C19orf81: variants seen among roughly 807,000 people sequenced by gnomAD.
C19orf81 encodes the protein chromosome 19 open reading frame 81.
Under a neutral mutation model 22.1 loss-of-function variants are expected in C19orf81, and 19 were observed. The ratio of observed to expected loss-of-function variants is 0.86; its 90% CI spans 0.60 to 1.26. The LOEUF is 1.26. Among genes scored for constraint, C19orf81 ranks in the 50% most tolerant of loss-of-function variants. C19orf81 has a pLI of 0.00. For missense variants in C19orf81, 287 were observed against 280.7 expected, an observed-to-expected ratio of 1.02 and a Z score of -0.16; for synonymous variants, 108 against 113.1, an observed-to-expected ratio of 0.95 and a Z score of 0.29.
intron 1 of C19orf81, chr19:50,649,805 C>A: frequency 1.9e-6 from 1 of 537,738 alleles, no homozygotes; most frequent in Non-Finnish European, 3.6e-6. Context: ...TAGGTAACCT[C>A]ACTGTCTTGT....
At position 50,659,130 on chromosome 19, in the gene C19orf81, C is replaced by A; in HGVS notation, c.585C>A (p.Asn195Lys). 2 of 1,396,958 alleles carry A rather than the reference C, an allele frequency of 1.4e-6. No individual in the cohort carries two copies. Among genetic ancestry groups the A allele is most frequent in the South Asian group, 1.5e-5 (1 of 65,896 alleles). 86.5% of individuals were successfully genotyped at this position (1,396,958 alleles called of 1,614,324 possible). A position where few individuals can be genotyped will look rare whatever the true frequency, so the allele number is the denominator to read the frequency against. ...RMLEALGAEPNEEA is the reference protein window; with the variant it reads ...RMLEALGAEPKEEA ...TCGAGGCCCTGGGGGCGGAGCCGAA[C>A]GAGGAGGCCTGACGCCCGGGCGGGC... Residue 195 changes from asparagine to lysine, a missense_variant, in exon 5 of 5, where the codon AAC (asparagine) becomes AAA (lysine). Asn to Lys is a moderately conservative substitution (Grantham distance 94, BLOSUM62 0). Coordinates refer to ENST00000425202, the MANE Select transcript of C19orf81 (RefSeq NM_001195076.2).
chr19:50,651,835 T>G (rs986010756), intron 1 of C19orf81, among the ~76,000 whole-genome samples: 4 of 152,238 alleles, frequency 2.6e-5, no homozygotes, highest in African/African-American at 9.6e-5. Context: ...TTTACATATA[T>G]TAAAATCACT....
intron 1 of C19orf81, among the ~76,000 whole-genome samples, chr19:50,651,443 C>T (rs1489656874): frequency 6.6e-6 from 1 of 152,170 alleles, no homozygotes; most frequent in Non-Finnish European, 1.5e-5. Context: ...TTTCCCTCCA[C>T]CTTGTAACAC....
Position 50,656,212 on chromosome 19 carries a change from C to T in C19orf81, c.141-14C>T, listed in dbSNP as rs57195892. 2,078 of 1,536,038 alleles carry T rather than the reference C, an allele frequency of 1.4e-3. 32 individuals are homozygous for T. In the African/African-American group the frequency reaches 0.025, roughly 19 times the overall value. ...CTGACCTCAGAGGTCCCTGCCTGTT[C>T]GCTCTCTCCCTAGAAAGCAGTACCT... On this transcript the variant is annotated splice_polypyrimidine_tract_variant and intron_variant, in intron 2 of 4. Coordinates refer to ENST00000425202, the MANE Select transcript of C19orf81 (RefSeq NM_001195076.2).
intron 1 of C19orf81, among the ~76,000 whole-genome samples, chr19:50,650,068 T>G (rs1984844594): frequency 6.6e-6 from 1 of 152,080 alleles, no homozygotes; most frequent in Non-Finnish European, 1.5e-5. Context: ...TCCTCCCTGG[T>G]CCCCAGTTTC....
At chr19:50,649,591 C>A (rs1984835699) in intron 1 of C19orf81, 80 bp downstream of exon 1, 1 of 1,444,228 alleles carries the variant, frequency 6.9e-7, no homozygotes, top group Non-Finnish European at 9.4e-7. Flanking sequence ...CACAGTGTGG[C>A]CTTAAGCGAG....
chr19:50,655,956 G>A (rs1254511894), intron 1 of C19orf81, 94 bp from the exon 2 acceptor site: 24 of 1,184,108 alleles, frequency 2.0e-5, no homozygotes, highest in South Asian at 5.2e-5. Context: ...GCTATTCTGG[G>A]TGTGGCATGG....
At chr19:50,655,939 C>A in intron 1 of C19orf81, 111 bp from the exon 2 acceptor site, 1 of 1,002,728 alleles carries the variant, frequency 1.0e-6, no homozygotes, top group South Asian at 1.4e-5. Flanking sequence ...CAACATCTGG[C>A]ATACAAGCTA....
chr19:50,650,770 C>G (rs569553702), intron 1 of C19orf81, among the ~76,000 whole-genome samples: 1 of 152,254 alleles, frequency 6.6e-6, no homozygotes, highest in Non-Finnish European at 1.5e-5. Flanking sequence ...CCTCAGCCTT[C>G]GAGGCCGAAC....
At chr19:50,652,185 A>C (rs1400085349) in intron 1 of C19orf81, among the ~76,000 whole-genome samples, 1 of 152,186 alleles carries the variant, frequency 6.6e-6, no homozygotes, top group Non-Finnish European at 1.5e-5. Context: ...TACCTAGTAC[A>C]TATTTAAATT....
chr19:50,650,645 T>C (rs558534032), intron 1 of C19orf81, among the ~76,000 whole-genome samples: 1 of 152,342 alleles, frequency 6.6e-6, no homozygotes, highest in Admixed American at 6.5e-5. Flanking sequence ...CACTCCAGCC[T>C]GGGTGATGGA....
At position 50,658,027 on chromosome 19, in the gene C19orf81, C is replaced by T. The variant is rs751587524; in HGVS notation, c.300C>T (p.Ala100=). ...EDFTHLEVLQ[A]LEAQLPGAME... ...TTACCCACCTGGAGGTGCTGCAAGC[C>T]CTGGAGGCCCAGTTACCAGGGGCCA... The change falls in exon 4 of 5, where the codon GCC becomes GCT. Residue 100 remains alanine (A), a synonymous_variant. Transcript: ENST00000425202. 21 of 1,535,664 alleles carry T rather than the reference C, an allele frequency of 1.4e-5. No individual in the cohort carries two copies. In the South Asian group the frequency reaches 1.7e-4, roughly 12 times the overall value.
chr19:50,656,367 A>C (rs1364798431), intron 3 of C19orf81, 21 bp downstream of exon 3: 1 of 1,526,162 alleles, frequency 6.6e-7, no homozygotes, highest in Non-Finnish European at 8.8e-7. Context: ...CTGTGCCCTT[A>C]TTTTCTGCAC....
At chr19:50,650,795 C>G (rs1333149893) in intron 1 of C19orf81, among the ~76,000 whole-genome samples, 1 of 152,250 alleles carries the variant, frequency 6.6e-6, no homozygotes, top group East Asian at 1.9e-4. Context: ...GCCCTGATGG[C>G]AAAACAGGCG....
chr19:50,657,946 A>G (rs1985032334), intron 3 of C19orf81, 43 bp from the exon 4 acceptor site: 2 of 1,490,702 alleles, frequency 1.3e-6, no homozygotes, highest in South Asian at 1.3e-5. Context: ...CCCAAAATGA[A>G]CCAGGAGGCC....
At chr19:50,655,929 C>G in intron 1 of C19orf81, 121 bp from the exon 2 acceptor site, 2 of 933,642 alleles carry the variant, frequency 2.1e-6, no homozygotes, top group Non-Finnish European at 3.3e-6. Context: ...GACAGTAACT[C>G]AACATCTGGC....
rs1221999779 is a variant in C19orf81 at position 50,659,173 on chromosome 19, A to C, written c.*31A>C. On this transcript the variant is annotated 3_prime_UTR_variant, in exon 5 of 5. Coordinates refer to ENST00000425202, the MANE Select transcript of C19orf81 (RefSeq NM_001195076.2). Reference sequence around the variant, plus strand: ...GGGCGGGCCCCGGCAGCGCTTGCGCACCGCCCCGCGGGCTGGGGCCACCCA... The same window carrying C: ...GGGCGGGCCCCGGCAGCGCTTGCGCCCCGCCCCGCGGGCTGGGGCCACCCA... The C allele has an allele frequency of 1.6e-6, 2 of 1,283,564 alleles. No homozygotes were observed. The highest frequency in any genetic ancestry group is 2.0e-6 in the Non-Finnish European group (2 of 1,016,274). The allele number at this position is 1,283,564 out of a possible 1,614,324, so 79.5% of individuals were successfully genotyped here. A position where few individuals can be genotyped will look rare whatever the true frequency, so the allele number is the denominator to read the frequency against.
At chr19:50,655,209 G>A (rs569533896) in intron 1 of C19orf81, among the ~76,000 whole-genome samples, 2 of 152,312 alleles carry the variant, frequency 1.3e-5, no homozygotes, top group East Asian at 3.9e-4. Context: ...TGTAGGGGAA[G>A]GGGAAAATGG....
intron 1 of C19orf81, 67 bp downstream of exon 1, chr19:50,649,578 G>T: frequency 2.7e-6 from 4 of 1,495,750 alleles, no homozygotes; most frequent in Non-Finnish European, 3.6e-6. Flanking sequence ...AGTAGCCCGG[G>T]CTCACAGTGT....
Sources: allele counts gnomAD v4.1 joint callset (sites outside exome capture counted in the v4.1 genomes callset), GRCh38; gene constraint gnomAD v4.1.1; transcripts MANE v1.5; gene names NCBI Gene and HGNC (gene_info 2026-07-23, HGNC 2026-07-21).